Variants in SLC22A24 observed in about 807,000 individuals in gnomAD.
SLC22A24 encodes steroid transmembrane transporter SLC22A24.
Under a neutral mutation model 49.8 loss-of-function variants are expected in SLC22A24, and 53 were observed. The observed-to-expected ratio is 1.06, with a 90% CI of 0.85 to 1.34. The LOEUF is 1.34. Ranked by LOEUF, SLC22A24 falls within the 40% of genes most tolerant of loss-of-function variation. The probability of loss-of-function intolerance (pLI) is 0.00; values close to 1 mark genes in which losing one functional copy is unlikely to be tolerated. For missense variants in SLC22A24, 786 were observed against 675.9 expected (o/e 1.16, Z -1.81); for synonymous variants, 302 against 256.4 (o/e 1.18, Z -1.70).
chr11:63,131,956 T>C (rs1189156043), intron 2 of SLC22A24, among the ~76,000 whole-genome samples: 1 of 152,222 alleles, frequency 6.6e-6, no homozygotes. Flanking sequence ...AGTCCCATAT[T>C]TCTTGACAGC....
chr11:63,107,307 C>T (rs548083383), intron 4 of SLC22A24, among the ~76,000 whole-genome samples: 2 of 152,194 alleles, frequency 1.3e-5, no homozygotes, highest in East Asian at 1.9e-4. Context: ...GTTTTGGTAC[C>T]AGTACCATGC....
At chr11:63,082,340 A>T in intron 7 of SLC22A24, among the ~76,000 whole-genome samples, 1 of 152,246 alleles carries the variant, frequency 6.6e-6, no homozygotes, top group East Asian at 1.9e-4. Context: ...CTGAAAATTC[A>T]AAAAGGTACT....
chr11:63,133,615 A>G (rs2087352443), intron 2 of SLC22A24, among the ~76,000 whole-genome samples: 1 of 152,030 alleles, frequency 6.6e-6, no homozygotes, highest in Admixed American at 6.5e-5. Context: ...CTCATCCTCA[A>G]GCAAAGTCAT....
chr11:63,100,233 C>G (rs1474043605), intron 5 of SLC22A24, among the ~76,000 whole-genome samples: 11 of 152,048 alleles, frequency 7.2e-5, no homozygotes, highest in Non-Finnish European at 4.4e-5. Flanking sequence ...TTGCAAGATA[C>G]AAAATCAACA....
chr11:63,083,365 A>T lies in SLC22A24; in HGVS notation c.1163T>A (p.Val388Asp). ...VSLFQILCGAVTFTARCVSLL... is the reference protein window; with the variant it reads ...VSLFQILCGADTFTARCVSLL... Reference sequence around the variant, plus strand: ...GGAAACACATCTGGCTGTGAATGTGACAGCTCCACAGAGAATCTGGAACAG... The same window carrying T: ...GGAAACACATCTGGCTGTGAATGTGTCAGCTCCACAGAGAATCTGGAACAG... The change falls in exon 7 of 10, where the codon GTC becomes GAC. Residue 388 changes from valine (V) to aspartate (D), a missense_variant. By Grantham distance (152) the Val-to-Asp change is radical. Coordinates refer to ENST00000612278, the MANE Select transcript of SLC22A24 (RefSeq NM_001136506.2). 6.4e-7 allele frequency: 1 copy of T among 1,552,492 alleles called. No individual in the cohort carries two copies. The highest frequency in any genetic ancestry group is 8.7e-7 in the Non-Finnish European group (1 of 1,147,256).
intron 6 of SLC22A24, among the ~76,000 whole-genome samples, chr11:63,083,772 T>G (rs936487398): frequency 6.6e-6 from 1 of 152,118 alleles, no homozygotes; most frequent in Non-Finnish European, 1.5e-5. Flanking sequence ...AACCTACCCA[T>G]GTAGAAAAAG....
rs143981583 is a variant in SLC22A24, at chr11:63,137,022, C to G, written c.403-2254G>C. 1.1e-3 allele frequency among the ~76,000 whole-genome samples: 160 copies of G among 152,254 alleles called. 1 individual carries two copies. The highest frequency in any genetic ancestry group is 3.8e-3 in the African/African-American group (157 of 41,540). ...AGACACTGCCAACACCTCCTTCCTT[C>G]TCTCGATGGATTCTGTAGCCCTGTG... On this transcript the variant is annotated intron_variant, in intron 1 of 9. Transcript: ENST00000612278.
chr11:63,118,542 A>C, intron 4 of SLC22A24: 2 of 439,618 alleles, frequency 4.5e-6, no homozygotes, highest in Non-Finnish European at 8.1e-6. Flanking sequence ...TATGTAGATA[A>C]ATTTATTGTG....
chr11:63,104,834 A>G (rs1459269744), intron 4 of SLC22A24, among the ~76,000 whole-genome samples: 2 of 152,174 alleles, frequency 1.3e-5, no homozygotes, highest in African/African-American at 4.8e-5. Context: ...CTCATATTTC[A>G]AAACCAATTA....
Position 63,119,236 on chromosome 11 carries a change from CA to C in SLC22A24, c.605del (p.Leu202ArgfsTer10). 6.4e-7 allele frequency: 1 copy of C among 1,551,124 alleles called. No individual in the cohort carries two copies. Among genetic ancestry groups the C allele is most frequent in the South Asian group, 1.2e-5 (1 of 83,866 alleles). ...TGGTGGAGAACCCTGCCAAGAAGCG[CA>C]GTATGCAGTAAACAAGGAAGGTGGG... ...FAPTFLVYCI[L>X]RFLAGFSTMT... On this transcript the variant is annotated frameshift_variant, in exon 3 of 10. Transcript: ENST00000612278. LOFTEE classifies it high-confidence loss of function.
chr11:63,083,634 C>A (rs537382963), intron 6 of SLC22A24, among the ~76,000 whole-genome samples, 177 bp from the exon 7 acceptor site: 38 of 152,216 alleles, frequency 2.5e-4, no homozygotes, highest in African/African-American at 8.4e-4. Context: ...CCTTTTCAGA[C>A]AATGGTCTTA....
chr11:63,098,999 T>A (rs2087072795), intron 5 of SLC22A24, among the ~76,000 whole-genome samples: 3 of 152,004 alleles, frequency 2.0e-5, no homozygotes, highest in Admixed American at 2.0e-4. Flanking sequence ...TGCCAATACA[T>A]TATAAAAGCT....
intron 5 of SLC22A24, among the ~76,000 whole-genome samples, chr11:63,103,704 C>T (rs2087104291): frequency 6.6e-6 from 1 of 152,276 alleles, no homozygotes; most frequent in Admixed American, 6.5e-5. Context: ...TATTTTACTG[C>T]TGTATCCACA....
chr11:63,121,826 T>C (rs1396533795), intron 2 of SLC22A24, among the ~76,000 whole-genome samples: 1 of 152,126 alleles, frequency 6.6e-6, no homozygotes, highest in Admixed American at 6.5e-5. Context: ...AGTGTGATGT[T>C]CCCCTTCCTG....
At chr11:63,141,204 CTT>C (rs974167256) in intron 1 of SLC22A24, among the ~76,000 whole-genome samples, 3 of 152,132 alleles carry the variant, frequency 2.0e-5, no homozygotes, top group Non-Finnish European at 4.4e-5. Flanking sequence ...AAAAAACAAA[CTT>C]TAACATTAAA....
chr11:63,131,618 T>C (rs1015043315), intron 2 of SLC22A24, among the ~76,000 whole-genome samples: 2 of 152,246 alleles, frequency 1.3e-5, no homozygotes, highest in Non-Finnish European at 2.9e-5. Flanking sequence ...CAATCTTTTC[T>C]GGCTTGTAGG....
At chr11:63,114,399 T>G (rs2134662685) in intron 4 of SLC22A24, among the ~76,000 whole-genome samples, 1 of 152,336 alleles carries the variant, frequency 6.6e-6, no homozygotes, top group South Asian at 2.1e-4. Flanking sequence ...TCTCATGCCA[T>G]GGTTTTCAGC....
At position 63,112,590 on chromosome 11, in the gene SLC22A24, AG is replaced by A. The variant is rs1177609076; in HGVS notation, c.830+6321del. 2.0e-5 allele frequency among the ~76,000 whole-genome samples: 3 copies of A among 152,000 alleles called. No individual in the cohort carries two copies. In the East Asian group the frequency reaches 5.8e-4, roughly 29 times the overall value. ...GCTTCTGGATTCTTTGATTTTTTGA[AG>A]GATTTTTGTGTCTCTATCTCCTTCA... On this transcript the variant is annotated intron_variant, in intron 4 of 9. Transcript: ENST00000612278.
chr11:63,104,408 G>A, intron 4 of SLC22A24, 110 bp from the exon 5 acceptor site: 2 of 1,245,118 alleles, frequency 1.6e-6, no homozygotes, highest in Non-Finnish European at 2.2e-6. Context: ...ATAAATTATA[G>A]TAGAGTCATT....
Sources: allele counts gnomAD v4.1 joint callset (sites outside exome capture counted in the v4.1 genomes callset), GRCh38; gene constraint gnomAD v4.1.1; transcripts MANE v1.5; gene names NCBI Gene and HGNC (gene_info 2026-07-23, HGNC 2026-07-21).